DTWD2: variants seen among roughly 807,000 people sequenced by gnomAD.
DTWD2 encodes tRNA-uridine aminocarboxypropyltransferase 2.
A neutral mutation model predicts 31.8 loss-of-function variants in DTWD2; 39 were observed. The observed-to-expected ratio is 1.22, with a 90% CI of 0.95 to 1.60. The LOEUF (loss-of-function observed/expected upper bound fraction) is 1.60. Among genes scored for constraint, DTWD2 ranks in the 40% most tolerant of loss-of-function variants. The pLI, the probability that DTWD2 is intolerant of heterozygous loss-of-function variation, is 0.00. For missense variants in DTWD2, 515 were observed against 381.5 expected (o/e 1.35, Z -2.92); for synonymous variants, 180 against 142.8 (o/e 1.26, Z -1.86).
At chr5:118,935,828 A>G (rs1276424171) in intron 3 of DTWD2, among the ~76,000 whole-genome samples, 2 of 152,236 alleles carry the variant, frequency 1.3e-5, no homozygotes, top group East Asian at 3.8e-4. Flanking sequence ...GATATTTGAG[A>G]GAAAACATGC....
intron 4 of DTWD2, among the ~76,000 whole-genome samples, chr5:118,866,693 C>A (rs774577437): frequency 5.9e-5 from 9 of 151,864 alleles, no homozygotes; most frequent in Non-Finnish European, 1.0e-4. Flanking sequence ...CCAAGAAGGG[C>A]GAATCATGAG....
intron 2 of DTWD2, among the ~76,000 whole-genome samples, chr5:118,940,423 A>T (rs1056545964): frequency 6.6e-6 from 1 of 152,238 alleles, no homozygotes; most frequent in African/African-American, 2.4e-5. Flanking sequence ...CATAAGATTT[A>T]AAATGCCACA....
At chr5:118,914,979 C>T (rs1210886520) in intron 4 of DTWD2, among the ~76,000 whole-genome samples, 1 of 152,150 alleles carries the variant, frequency 6.6e-6, no homozygotes, top group Admixed American at 6.5e-5. Context: ...ATAATCCCAG[C>T]ACTGTGGGAG....
chr5:118,888,203 G>A (rs1752907866), intron 4 of DTWD2, among the ~76,000 whole-genome samples: 1 of 152,110 alleles, frequency 6.6e-6, no homozygotes, highest in Non-Finnish European at 1.5e-5. Context: ...ATGAACATAA[G>A]CATGGCACAC....
intron 4 of DTWD2, among the ~76,000 whole-genome samples, chr5:118,920,882 T>A (rs1274990019): frequency 2.6e-5 from 4 of 152,216 alleles, no homozygotes; most frequent in African/African-American, 9.6e-5. Context: ...AAGTTTCATA[T>A]CTGCCACTAA....
At position 118,922,307 on chromosome 5, in the gene DTWD2, A is replaced by G. The variant is rs187400530; in HGVS notation, c.597+6230T>C. On this transcript the variant is annotated intron_variant, in intron 4 of 5. Coordinates refer to ENST00000510708, the MANE Select transcript of DTWD2 (RefSeq NM_173666.4). ...TACTGATTAGGAGGGCGAAAAAACT[A>G]TATTTCTTCTATAAACACAACACTC... Among the ~76,000 whole-genome samples the G allele has an allele frequency of 1.1e-3, 173 of 152,304 alleles. 1 individual carries two copies. The South Asian group carries it at 0.021, about 18-fold the overall frequency.
chr5:118,925,416 T>C (rs549090347), intron 4 of DTWD2, among the ~76,000 whole-genome samples: 2 of 152,310 alleles, frequency 1.3e-5, no homozygotes, highest in East Asian at 3.9e-4. Context: ...ACAGAAATCA[T>C]AAACTTATTC....
intron 4 of DTWD2, among the ~76,000 whole-genome samples, chr5:118,902,798 G>A (rs942588364): frequency 3.3e-5 from 5 of 151,972 alleles, no homozygotes; most frequent in Non-Finnish European, 5.9e-5. Context: ...TTGCCATATG[G>A]ATCTTGAGAT....
chr5:118,985,517 T>TATAC lies in DTWD2; in HGVS notation c.218+2776_218+2777insGTAT, dbSNP rs1554072595. ...ATATATATATATATATATATATATATACACACACATATATACATACATATA... is the reference window on the plus strand; with the variant it reads ...ATATATATATATATATATATATATATATACACACACACATATATACATACATATA... On this transcript the variant is annotated intron_variant, in intron 1 of 5. Transcript: ENST00000510708. Among the ~76,000 whole-genome samples, 342 of 107,726 alleles carry TATAC rather than the reference T, an allele frequency of 3.2e-3. 3 individuals carry two copies. The highest frequency in any genetic ancestry group is 9.3e-3 in the African/African-American group (289 of 31,242). 70.7% of individuals were successfully genotyped at this position (107,726 alleles called of 152,430 possible).
chr5:118,937,300 G>A (rs1754064388), intron 3 of DTWD2, among the ~76,000 whole-genome samples: 1 of 149,784 alleles, frequency 6.7e-6, no homozygotes, highest in African/African-American at 2.5e-5. Context: ...ACTGATAAAT[G>A]ACATTGTATA....
intron 4 of DTWD2, among the ~76,000 whole-genome samples, chr5:118,859,105 A>G (rs1000591673): frequency 6.6e-6 from 1 of 151,948 alleles, no homozygotes; most frequent in African/African-American, 2.4e-5. Context: ...TTGAGCATCT[A>G]TTGATAATCT....
chr5:118,885,028 G>A (rs1752829001), intron 4 of DTWD2, among the ~76,000 whole-genome samples: 1 of 144,520 alleles, frequency 6.9e-6, no homozygotes, highest in Non-Finnish European at 1.5e-5. Flanking sequence ...AATCGTCCAG[G>A]TTGGGTATAG....
rs1375156304 is a variant in DTWD2 at position 118,838,636 on chromosome 5, GA to G, written c.*2280del. 6.6e-6 allele frequency: 1 copy of G among 151,898 alleles called. No homozygotes were observed. The highest frequency in any genetic ancestry group is 1.5e-5 in the Non-Finnish European group (1 of 67,992). 9.4% of individuals were successfully genotyped at this position (151,898 alleles called of 1,614,324 possible). A position where few individuals can be genotyped will look rare whatever the true frequency, so the allele number is the denominator to read the frequency against. On this transcript the variant is annotated 3_prime_UTR_variant, in exon 6 of 6. Transcript: ENST00000510708. ...TGGACTCACCTTGTTAAGAGGTCAG[GA>G]AAAAATAAGTAAAAAACAAGTACAG... is the stretch of plus-strand genomic sequence containing the variant.
chr5:118,976,241 A>T (rs982030060), intron 1 of DTWD2, among the ~76,000 whole-genome samples: 1 of 152,218 alleles, frequency 6.6e-6, no homozygotes, highest in African/African-American at 2.4e-5. Flanking sequence ...GAAAGTGGGA[A>T]AGATCTAAAA....
intron 1 of DTWD2, among the ~76,000 whole-genome samples, chr5:118,957,745 T>C (rs946439443): frequency 4.6e-5 from 7 of 152,140 alleles, no homozygotes; most frequent in East Asian, 1.9e-4. Context: ...AGTGAAGAAA[T>C]TATCAAGTTT....
At chr5:118,986,604 G>A (rs1354416800) in intron 1 of DTWD2, among the ~76,000 whole-genome samples, 1 of 152,050 alleles carries the variant, frequency 6.6e-6, no homozygotes, top group Non-Finnish European at 1.5e-5. Context: ...ATGTAAAGAA[G>A]TTCACCCAGG....
At chr5:118,870,585 ATACTT>A (rs1021856075) in intron 4 of DTWD2, among the ~76,000 whole-genome samples, 3 of 152,254 alleles carry the variant, frequency 2.0e-5, no homozygotes, top group African/African-American at 7.2e-5. Flanking sequence ...TAATTTTAAA[ATACTT>A]TATGGCTAAA....
At chr5:118,851,633 C>T (rs544273408) in intron 4 of DTWD2, among the ~76,000 whole-genome samples, 15 of 136,554 alleles carry the variant, frequency 1.1e-4, no homozygotes, top group South Asian at 4.4e-4. Flanking sequence ...AAACAGCGTT[C>T]GACAATGAGA....
At chr5:118,923,346 G>C (rs1359134399) in intron 4 of DTWD2, among the ~76,000 whole-genome samples, 2 of 152,202 alleles carry the variant, frequency 1.3e-5, no homozygotes, top group Non-Finnish European at 2.9e-5. Flanking sequence ...TAACATTAAA[G>C]TGTTAGTTGA....
Sources: gnomAD v4.1 joint callset for allele counts (sites outside exome capture counted in the v4.1 genomes callset) on GRCh38, gnomAD v4.1.1 for gene constraint, MANE v1.5 for transcripts, NCBI Gene and HGNC (gene_info 2026-07-23, HGNC 2026-07-21) for gene names.